The following ZMYND11 variants were observed in gnomAD, a reference collection of about 807,000 sequenced individuals.
ZMYND11 encodes the protein zinc finger MYND-type containing 11, also known as zinc finger MYND domain-containing protein 11.
A neutral mutation model predicts 84.9 loss-of-function variants in ZMYND11; 9 were observed. That is an observed-to-expected ratio of 0.11 (90% CI 0.06 to 0.18). ZMYND11 has a LOEUF of 0.18. Among genes scored for constraint, ZMYND11 ranks in the 10% least tolerant of loss-of-function variants. The pLI, the probability that ZMYND11 is intolerant of heterozygous loss-of-function variation, is 1.00. For synonymous variants in ZMYND11, 250 were observed against 244.1 expected, an observed-to-expected ratio of 1.02 and a Z score of -0.23; for missense variants, 409 against 761.0, an observed-to-expected ratio of 0.54 and a Z score of 5.44.
intron 3 of ZMYND11, among the ~76,000 whole-genome samples, chr10:211,426 T>C (rs1455707828): frequency 1.3e-5 from 2 of 152,144 alleles, no homozygotes; most frequent in African/African-American, 2.4e-5. Flanking sequence ...TGGTTCTTTG[T>C]GGAAAAATTT....
At position 170,109 on chromosome 10, in the gene ZMYND11, G is replaced by A. The variant is rs79241687; in HGVS notation, c.-19-9885G>A. On this transcript the variant is annotated intron_variant, in intron 1 of 14. Transcript: ENST00000381604. ...TTTTCTTCAGAAACCATGCAAGCAG[G>A]ACGAGTTGGAATGAAATGAAATGTT... 7.7e-3 allele frequency among the ~76,000 whole-genome samples: 1,165 copies of A among 152,140 alleles called. 8 individuals carry two copies. The highest frequency in any genetic ancestry group is 0.012 in the Admixed American group (182 of 15,266).
intron 1 of ZMYND11, among the ~76,000 whole-genome samples, chr10:139,608 A>G (rs1268587889): frequency 2.6e-5 from 4 of 151,998 alleles, no homozygotes; most frequent in East Asian, 3.9e-4. Flanking sequence ...TGAGGACCAT[A>G]ATAATAATAT....
At position 183,224 on chromosome 10, in the gene ZMYND11, G is replaced by GTT. The variant is rs1214194132; in HGVS notation, c.116+3110_116+3111dup. Among the ~76,000 whole-genome samples, 466 of 130,746 alleles carry GTT rather than the reference G, an allele frequency of 3.6e-3. 2 individuals carry two copies. The highest frequency in any genetic ancestry group is 0.012 in the African/African-American group (437 of 35,756). The allele number at this position is 130,746 out of a possible 152,430, so 85.8% of individuals were successfully genotyped here. On this transcript the variant is annotated intron_variant, in intron 2 of 14. Coordinates refer to ENST00000381604, the MANE Select transcript of ZMYND11 (RefSeq NM_001370100.5). ...AGGTTTCTCTTCTTTTTTGTTGTTG[G>GTT]TTTTTTTTTTTTTTTGGAACTGATT...
rs566803511 is a variant in ZMYND11, at chr10:217,412, A to G, written c.277-3783A>G. Among the ~76,000 whole-genome samples the G allele has an allele frequency of 4.6e-5, 7 of 152,094 alleles. No individual in the cohort carries two copies. The South Asian group carries it at 1.5e-3, about 32-fold the overall frequency. On this transcript the variant is annotated intron_variant, in intron 3 of 14. Coordinates refer to ENST00000381604, the MANE Select transcript of ZMYND11 (RefSeq NM_001370100.5). Reference sequence around the variant, plus strand: ...GTGGCGCACGCCTGTAATTCCAGCTACTTGGGAAGCTGAGGCGCAAGAATT... The same window carrying G: ...GTGGCGCACGCCTGTAATTCCAGCTGCTTGGGAAGCTGAGGCGCAAGAATT...
chr10:238,283 T>C (rs1343861479), intron 6 of ZMYND11, among the ~76,000 whole-genome samples: 2 of 152,228 alleles, frequency 1.3e-5, no homozygotes, highest in African/African-American at 4.8e-5. Flanking sequence ...ATGTTGGAAA[T>C]TTAAAATCTT....
At chr10:250,802 C>T (rs1335894787) in intron 14 of ZMYND11, among the ~76,000 whole-genome samples, 1 of 151,936 alleles carries the variant, frequency 6.6e-6, no homozygotes, top group Non-Finnish European at 1.5e-5. Flanking sequence ...TTGGGAAGGC[C>T]GAGGTGGGCA....
chr10:240,843 A>G (rs747742816), intron 8 of ZMYND11, 50 bp from the exon 9 acceptor site: 4 of 1,259,074 alleles, frequency 3.2e-6, no homozygotes, highest in Non-Finnish European at 4.6e-6. Flanking sequence ...ATATAGTTTA[A>G]TGTGTATGTA....
Position 161,919 on chromosome 10 carries a change from A to C in ZMYND11, c.-19-18075A>C, listed in dbSNP as rs373028569. On this transcript the variant is annotated intron_variant, in intron 1 of 14. Coordinates refer to ENST00000381604, the MANE Select transcript of ZMYND11 (RefSeq NM_001370100.5). Reference sequence around the variant, plus strand: ...ATGTGTTCACTGAAAGAACGCTTTTAATTTCCTTCAAGAACTTTACCTTTA... The same window carrying C: ...ATGTGTTCACTGAAAGAACGCTTTTCATTTCCTTCAAGAACTTTACCTTTA... Among the ~76,000 whole-genome samples the C allele has an allele frequency of 2.0e-5, 3 of 152,268 alleles. No individual in the cohort carries two copies. In the East Asian group the frequency reaches 5.8e-4, roughly 29 times the overall value.
At chr10:158,222 T>A (rs1161447429) in intron 1 of ZMYND11, among the ~76,000 whole-genome samples, 2 of 152,148 alleles carry the variant, frequency 1.3e-5, no homozygotes, top group Non-Finnish European at 2.9e-5. Context: ...TGTTTTCAGT[T>A]CTTTCGTGTA....
chr10:132,457 G>A (rs1285605553), upstream of ZMYND11, among the ~76,000 whole-genome samples: 1 of 151,938 alleles, frequency 6.6e-6, no homozygotes, highest in Admixed American at 6.6e-5. Flanking sequence ...ATGGGGGGCT[G>A]TAGCATGTGT....
chr10:204,097 C>G (rs1943717501), intron 2 of ZMYND11, among the ~76,000 whole-genome samples: 1 of 152,130 alleles, frequency 6.6e-6, no homozygotes, highest in Non-Finnish European at 1.5e-5. Context: ...TTCACACATG[C>G]TGAACAATTG....
At chr10:181,159 T>A (rs1026439877) in intron 2 of ZMYND11, among the ~76,000 whole-genome samples, 4 of 152,220 alleles carry the variant, frequency 2.6e-5, no homozygotes, top group Non-Finnish European at 5.9e-5. Context: ...AGAGAAAATT[T>A]CTTGATACTT....
At chr10:241,680 GCCA>G (rs1477346583) in intron 9 of ZMYND11, among the ~76,000 whole-genome samples, 1 of 152,218 alleles carries the variant, frequency 6.6e-6, no homozygotes. Flanking sequence ...ACAGTACTGT[GCCA>G]GCCTAAAATT....
chr10:250,029 A>G (rs1488602476), intron 14 of ZMYND11, among the ~76,000 whole-genome samples: 2 of 152,190 alleles, frequency 1.3e-5, no homozygotes, highest in Non-Finnish European at 2.9e-5. Flanking sequence ...CAACCTGCAC[A>G]TTGGGTGTTA....
intron 4 of ZMYND11, among the ~76,000 whole-genome samples, chr10:236,533 C>A (rs1950000645): frequency 6.6e-6 from 1 of 152,162 alleles, no homozygotes; most frequent in African/African-American, 2.4e-5. Context: ...AAGCGATTAT[C>A]CCTTATGTCT....
intron 2 of ZMYND11, among the ~76,000 whole-genome samples, chr10:186,460 G>T (rs761333712): frequency 5.6e-4 from 85 of 151,816 alleles, no homozygotes; most frequent in Non-Finnish European, 1.0e-3. Flanking sequence ...GGCCAACATA[G>T]TGAAACCCTG....
At chr10:145,074 A>T (rs1300164897) in intron 1 of ZMYND11, among the ~76,000 whole-genome samples, 1 of 151,006 alleles carries the variant, frequency 6.6e-6, no homozygotes, top group Non-Finnish European at 1.5e-5. Context: ...CTCTAGCTTC[A>T]TTCAGGTTTC....
intron 10 of ZMYND11, among the ~76,000 whole-genome samples, chr10:242,983 TG>T (rs1951344977): frequency 8.0e-6 from 1 of 124,574 alleles, no homozygotes; most frequent in African/African-American, 2.9e-5. Flanking sequence ...ACAAAATGAA[TG>T]TTTTAATTAC....
At chr10:187,935 T>C (rs1423913953) in intron 2 of ZMYND11, among the ~76,000 whole-genome samples, 1 of 152,200 alleles carries the variant, frequency 6.6e-6, no homozygotes, top group Non-Finnish European at 1.5e-5. Context: ...TGATGTTTAA[T>C]CATTGTAAAA....
Sources: gnomAD v4.1 joint callset for allele counts (sites outside exome capture counted in the v4.1 genomes callset) on GRCh38, gnomAD v4.1.1 for gene constraint, MANE v1.5 for transcripts, NCBI Gene and HGNC (gene_info 2026-07-23, HGNC 2026-07-21) for gene names.